The following OPCML variants were observed in gnomAD, a reference collection of about 807,000 sequenced individuals.
The protein encoded by OPCML is opioid-binding protein/cell adhesion molecule.
Under a neutral mutation model 37.8 loss-of-function variants are expected in OPCML, and 13 were observed. The observed-to-expected ratio is 0.34, with a 90% CI of 0.22 to 0.55. OPCML has a LOEUF of 0.55. Among genes scored for constraint, OPCML ranks in the 20% least tolerant of loss-of-function variants. OPCML has a pLI of 0.91. For missense variants in OPCML, 341 were observed against 435.6 expected, an observed-to-expected ratio of 0.78 and a Z score of 1.93; for synonymous variants, 176 against 168.8, an observed-to-expected ratio of 1.04 and a Z score of -0.33.
At chr11:132,754,531 C>T (rs1306018688) in intron 2 of OPCML, among the ~76,000 whole-genome samples, 1 of 151,690 alleles carries the variant, frequency 6.6e-6, no homozygotes, top group African/African-American at 2.4e-5. Context: ...TTTTAATTGC[C>T]CAGTCTCAGA....
At chr11:132,561,677 T>C (rs973343132) in intron 3 of OPCML, among the ~76,000 whole-genome samples, 1 of 152,250 alleles carries the variant, frequency 6.6e-6, no homozygotes, top group African/African-American at 2.4e-5. Flanking sequence ...GTAAAATGAA[T>C]TCATGTCATA....
intron 4 of OPCML, among the ~76,000 whole-genome samples, chr11:132,456,256 T>A (rs570941913): frequency 2.6e-5 from 4 of 152,122 alleles, no homozygotes; most frequent in Non-Finnish European, 4.4e-5. Flanking sequence ...TGCATAAACA[T>A]ATGAAACTTT....
At chr11:132,856,080 CA>C (rs1260843658) in intron 2 of OPCML, among the ~76,000 whole-genome samples, 1 of 152,162 alleles carries the variant, frequency 6.6e-6, no homozygotes, top group East Asian at 1.9e-4. Context: ...AATGCCAATA[CA>C]ATAGACCTAA....
intron 2 of OPCML, among the ~76,000 whole-genome samples, chr11:132,844,296 A>T (rs968129456): frequency 2.0e-5 from 3 of 152,236 alleles, no homozygotes; most frequent in Non-Finnish European, 2.9e-5. Context: ...AGAAGGAATC[A>T]TATCTAAACA....
intron 4 of OPCML, among the ~76,000 whole-genome samples, chr11:132,514,920 G>C (rs1242112424): frequency 1.3e-5 from 2 of 152,268 alleles, no homozygotes; most frequent in African/African-American, 2.4e-5. Flanking sequence ...GTGCCCAAGG[G>C]AGACAAACCC....
rs1253985209 is a variant in OPCML, at chr11:133,208,392, G to A, written c.62-265382C>T. ...GCATGGTAGAAAGGGCCATAGGTTA[G>A]GATTTTATAACTCTCTGGAGTTTAC... On this transcript the variant is annotated intron_variant, in intron 1 of 7. Transcript: ENST00000524381. The surrounding 1 kb of genome is among the most constrained non-coding windows in gnomAD (Gnocchi z 8.9). Among the ~76,000 whole-genome samples the A allele has an allele frequency of 1.3e-5, 2 of 152,188 alleles. No homozygotes were observed. Among genetic ancestry groups the A allele is most frequent in the South Asian group, 4.1e-4 (2 of 4,828 alleles).
intron 1 of OPCML, among the ~76,000 whole-genome samples, chr11:133,312,459 A>C (rs930619630): frequency 6.6e-6 from 1 of 151,328 alleles, no homozygotes; most frequent in Non-Finnish European, 1.5e-5. Flanking sequence ...ATGAAATCAG[A>C]GAAGATGAGC....
intron 1 of OPCML, among the ~76,000 whole-genome samples, chr11:133,135,317 G>C (rs910941225): frequency 1.3e-5 from 2 of 152,142 alleles, no homozygotes; most frequent in African/African-American, 4.8e-5. Flanking sequence ...CTAGTTAACT[G>C]TTGAGGTTCT....
intron 2 of OPCML, among the ~76,000 whole-genome samples, chr11:132,815,830 A>G (rs1222378121): frequency 1.3e-5 from 2 of 152,230 alleles, no homozygotes; most frequent in East Asian, 3.9e-4. Context: ...AGAAAGAGAT[A>G]CTGGATGGCA....
At chr11:133,091,960 T>C (rs950361806) in intron 1 of OPCML, among the ~76,000 whole-genome samples, 3 of 152,184 alleles carry the variant, frequency 2.0e-5, no homozygotes, top group Non-Finnish European at 2.9e-5. Flanking sequence ...TCTGAATATC[T>C]TCCAAAATTC....
chr11:132,795,931 A>G (rs1938282203), intron 2 of OPCML, among the ~76,000 whole-genome samples: 5 of 152,230 alleles, frequency 3.3e-5, no homozygotes, highest in Admixed American at 3.3e-4. Flanking sequence ...GGATTCAACC[A>G]AGCTCAGATG....
intron 2 of OPCML, among the ~76,000 whole-genome samples, chr11:132,932,278 T>C (rs1450050180): frequency 6.6e-6 from 1 of 152,166 alleles, no homozygotes. Context: ...GCCACCGAAC[T>C]GTATATTTAA....
At chr11:133,143,137 G>A (rs1949849413) in intron 1 of OPCML, among the ~76,000 whole-genome samples, 1 of 152,132 alleles carries the variant, frequency 6.6e-6, no homozygotes, top group East Asian at 1.9e-4. Context: ...ATGTGAGGAG[G>A]AAGCAGTCTG....
chr11:132,892,631 G>A (rs980646780), intron 2 of OPCML, among the ~76,000 whole-genome samples: 2 of 152,114 alleles, frequency 1.3e-5, no homozygotes, highest in Non-Finnish European at 2.9e-5. Context: ...GCTGGGCCTG[G>A]TGGTGGGTGC....
intron 1 of OPCML, among the ~76,000 whole-genome samples, chr11:133,231,627 A>C (rs1418967387): frequency 6.6e-6 from 1 of 152,148 alleles, no homozygotes; most frequent in Non-Finnish European, 1.5e-5. Context: ...ATGTTGATGA[A>C]CACAAGCAGT....
chr11:132,623,177 G>T (rs972573917), intron 3 of OPCML, among the ~76,000 whole-genome samples: 1 of 152,136 alleles, frequency 6.6e-6, no homozygotes, highest in Non-Finnish European at 1.5e-5. Flanking sequence ...GAAAATGCTG[G>T]CATCTGTTTC....
At chr11:132,578,929 C>T (rs1315951616) in intron 3 of OPCML, among the ~76,000 whole-genome samples, 1 of 152,054 alleles carries the variant, frequency 6.6e-6, no homozygotes, top group African/African-American at 2.4e-5. Flanking sequence ...TTGTGCTTCT[C>T]CCTGAATCAA....
Position 132,708,206 on chromosome 11 carries a change from T to C in OPCML, c.147-50887A>G, listed in dbSNP as rs181942191. On this transcript the variant is annotated intron_variant, in intron 2 of 7. Transcript: ENST00000524381. ...TGATTCCTATGCTGAATGGATAGAC[T>C]GTAAAACTCTAGGTCTTTCTATTGT... Among the ~76,000 whole-genome samples the C allele has an allele frequency of 7.8e-3, 1,195 of 152,320 alleles. 13 individuals are homozygous for C. Among genetic ancestry groups the C allele is most frequent in the Non-Finnish European group, 0.01 (702 of 68,012 alleles).
intron 2 of OPCML, among the ~76,000 whole-genome samples, chr11:132,832,412 A>G (rs919597404): frequency 1.3e-5 from 2 of 152,216 alleles, no homozygotes; most frequent in East Asian, 1.9e-4. Flanking sequence ...TGACTTCCTC[A>G]TTCCAACCAA....
Sources: allele counts gnomAD v4.1 joint callset (sites outside exome capture counted in the v4.1 genomes callset), GRCh38; gene constraint gnomAD v4.1.1; non-coding constraint Gnocchi (gnomAD v3.1); transcripts MANE v1.5; gene names NCBI Gene and HGNC (gene_info 2026-07-23, HGNC 2026-07-21).